Variants in TTC4 observed in about 807,000 individuals in gnomAD.
The protein encoded by TTC4 is hsp70/Hsp90 co-chaperone CNS1 homolog.
A neutral mutation model predicts 51.9 loss-of-function variants in TTC4; 36 were observed. The ratio of observed to expected loss-of-function variants is 0.69; its 90% CI spans 0.53 to 0.92. The LOEUF is 0.92. Among genes scored for constraint, TTC4 ranks in the 40% least tolerant of loss-of-function variants. The pLI, the probability that TTC4 is intolerant of heterozygous loss-of-function variation, is 0.00. For synonymous variants in TTC4, 144 were observed against 164.2 expected, an observed-to-expected ratio of 0.88 and a Z score of 0.94; for missense variants, 399 against 454.6, an observed-to-expected ratio of 0.88 and a Z score of 1.11.
chr1:54,737,424 G>C (rs76246289), intron 8 of TTC4, 158 bp from the exon 9 acceptor site: 10 of 574,494 alleles, frequency 1.7e-5, no homozygotes, highest in African/African-American at 3.8e-5. Flanking sequence ...GTGGCATGGC[G>C]GGGGGGTACT....
rs1646022927 is a variant in TTC4, at chr1:54,742,433, G to A, written c.*920G>A. The stretch of plus-strand genomic sequence containing the variant: ...GTCCTGCGTCTGACAGAAGCCTGAA[G>A]AGTCATGTGTGGTTGGCCTGTGCTC... On this transcript the variant is annotated 3_prime_UTR_variant, in exon 10 of 10. Transcript: ENST00000371281. 1.3e-5 allele frequency: 2 copies of A among 152,398 alleles called. No homozygotes were observed. Among genetic ancestry groups the A allele is most frequent in the African/African-American group, 2.4e-5 (1 of 41,578 alleles). The allele number at this position is 152,398 out of a possible 1,614,324, so 9.4% of individuals were successfully genotyped here.
At chr1:54,718,824 G>A (rs1422542840) in intron 3 of TTC4, among the ~76,000 whole-genome samples, 1 of 151,906 alleles carries the variant, frequency 6.6e-6, no homozygotes, top group Admixed American at 6.6e-5. Context: ...CAGGGGTCTC[G>A]CTATGTTGCC....
At chr1:54,727,611 GGAGGCCAGGGCAGGAGGACCACTT>G (rs1281723776) in intron 5 of TTC4, among the ~76,000 whole-genome samples, 1 of 151,268 alleles carries the variant, frequency 6.6e-6, no homozygotes, top group African/African-American at 2.4e-5. Flanking sequence ...TAGCATTTTG[GGAGGCCAGGGCAGGAGGACCACTT>G]GAGGCCAGGA....
intron 5 of TTC4, among the ~76,000 whole-genome samples, chr1:54,726,069 A>C (rs1645795989): frequency 6.6e-6 from 1 of 152,352 alleles, no homozygotes; most frequent in African/African-American, 2.4e-5. Context: ...ATTGGCCATA[A>C]ACTTCCCAAA....
chr1:54,733,263 G>GA (rs975072393), intron 7 of TTC4, among the ~76,000 whole-genome samples: 1 of 148,104 alleles, frequency 6.8e-6, no homozygotes, highest in Non-Finnish European at 1.5e-5. Flanking sequence ...ACAAAAAAAA[G>GA]AAAAAAATTA....
rs76264083 is a variant in TTC4 at position 54,736,509 on chromosome 1, C to T, written c.979-1073C>T. Among the ~76,000 whole-genome samples, 1,763 of 151,938 alleles carry T rather than the reference C, an allele frequency of 0.012. 93 individuals carry two copies. The East Asian group carries it at 0.14, about 12-fold the overall frequency. Reference sequence around the variant, plus strand: ...CCTCAGTCTCCCAAGTAGCTGGGACCACAGGCGTTTGCCACCGTGCCCAAC... The same window carrying T: ...CCTCAGTCTCCCAAGTAGCTGGGACTACAGGCGTTTGCCACCGTGCCCAAC... On this transcript the variant is annotated intron_variant, in intron 8 of 9. Transcript: ENST00000371281.
intron 7 of TTC4, among the ~76,000 whole-genome samples, chr1:54,731,917 G>T (rs1047698666): frequency 2.0e-5 from 3 of 152,108 alleles, no homozygotes; most frequent in African/African-American, 7.2e-5. Context: ...CATACTAACT[G>T]GGCTAGTACA....
intron 9 of TTC4, among the ~76,000 whole-genome samples, chr1:54,738,497 A>ACTGG (rs1187068757): frequency 6.6e-6 from 1 of 152,062 alleles, no homozygotes; most frequent in Non-Finnish European, 1.5e-5. Context: ...AGCCATGGAG[A>ACTGG]CTGGCCGGGC....
rs1280874604 is a variant in TTC4 at position 54,731,708 on chromosome 1, C to T, written c.896+8C>T. ...TTTTCATGAGGACTCCAGGTACTGA[C>T]TTGCCCAGGAGCCCTCTGCTTTTGC... On this transcript the variant is annotated splice_region_variant and intron_variant, in intron 7 of 9. Transcript: ENST00000371281. 1 of 1,612,704 alleles carries T rather than the reference C, an allele frequency of 6.2e-7. No homozygotes were observed. The highest frequency in any genetic ancestry group is 1.7e-5 in the Admixed American group (1 of 59,888).
At chr1:54,737,800 C>T (rs1002109186) in intron 9 of TTC4, 136 bp downstream of exon 9, 3 of 880,864 alleles carry the variant, frequency 3.4e-6, no homozygotes, top group Non-Finnish European at 5.0e-6. Context: ...CTCACAGTTC[C>T]ACGTGGCTGG....
intron 5 of TTC4, among the ~76,000 whole-genome samples, chr1:54,725,202 T>C (rs1233890651): frequency 6.6e-6 from 1 of 152,174 alleles, no homozygotes; most frequent in Admixed American, 6.6e-5. Flanking sequence ...ACTTGGAGCT[T>C]ACCCAGTATA....
At chr1:54,739,356 C>A (rs1645985276) in intron 9 of TTC4, among the ~76,000 whole-genome samples, 1 of 152,170 alleles carries the variant, frequency 6.6e-6, no homozygotes, top group Non-Finnish European at 1.5e-5. Flanking sequence ...GAAGTCAGAC[C>A]CATCATCATT....
chr1:54,734,977 G>T (rs1434267484), intron 8 of TTC4, among the ~76,000 whole-genome samples: 2 of 151,998 alleles, frequency 1.3e-5, no homozygotes, highest in African/African-American at 4.8e-5. Flanking sequence ...TAGCAAAAGG[G>T]TTTTGTTCAG....
At chr1:54,716,514 G>GA in intron 1 of TTC4, 86 bp from the exon 2 acceptor site, 1 of 1,026,910 alleles carries the variant, frequency 9.7e-7, no homozygotes. Context: ...ATCATGATGA[G>GA]TAAAAAAACT....
At chr1:54,729,235 A>C (rs1570049850) in intron 6 of TTC4, among the ~76,000 whole-genome samples, 2 of 152,134 alleles carry the variant, frequency 1.3e-5, no homozygotes, top group Admixed American at 1.3e-4. Flanking sequence ...CATAATTTAA[A>C]ACTTACAGGT....
intron 3 of TTC4, among the ~76,000 whole-genome samples, chr1:54,718,709 C>T (rs978879041): frequency 4.6e-5 from 7 of 152,124 alleles, no homozygotes; most frequent in Admixed American, 1.3e-4. Flanking sequence ...GTTCTGTAGT[C>T]GTAAATTTGG....
intron 6 of TTC4, among the ~76,000 whole-genome samples, chr1:54,729,550 T>C (rs941266392): frequency 6.6e-6 from 1 of 152,164 alleles, no homozygotes; most frequent in Non-Finnish European, 1.5e-5. Flanking sequence ...TAGGATGTTG[T>C]TCCTATAACA....
At chr1:54,740,673 A>G (rs1646000349) in intron 9 of TTC4, among the ~76,000 whole-genome samples, 1 of 152,138 alleles carries the variant, frequency 6.6e-6, no homozygotes, top group Admixed American at 6.5e-5. Context: ...TTCAGACCCT[A>G]AACTGGGTGG....
intron 4 of TTC4, among the ~76,000 whole-genome samples, chr1:54,722,241 G>A (rs1349353472): frequency 6.6e-6 from 1 of 151,804 alleles, no homozygotes; most frequent in Admixed American, 6.6e-5. Context: ...ATGAATAGCT[G>A]AAGCAAAGTC....
Sources: gnomAD v4.1 joint callset for allele counts (sites outside exome capture counted in the v4.1 genomes callset) on GRCh38, gnomAD v4.1.1 for gene constraint, MANE v1.5 for transcripts, NCBI Gene and HGNC (gene_info 2026-07-23, HGNC 2026-07-21) for gene names.